PRRX2: variants seen among roughly 807,000 people sequenced by gnomAD.
PRRX2 encodes the protein paired related homeobox 2.
PRRX2 carries 11 observed loss-of-function variants against 18.0 expected under a neutral mutation model. That is an observed-to-expected ratio of 0.61 (90% CI 0.39 to 1.01). The LOEUF (loss-of-function observed/expected upper bound fraction) is 1.01, where lower values mean the gene tolerates loss of function less well. Among genes scored for constraint, PRRX2 ranks in the 50% least tolerant of loss-of-function variants. The probability of loss-of-function intolerance (pLI) is 0.01; values close to 1 mark genes in which losing one functional copy is unlikely to be tolerated. For synonymous variants in PRRX2, 177 were observed against 154.8 expected (o/e 1.14, Z -1.06); for missense variants, 387 against 351.0 (o/e 1.10, Z -0.82).
At chr9:129,710,459 C>T (rs887107462) in intron 1 of PRRX2, among the ~76,000 whole-genome samples, 13 of 152,278 alleles carry the variant, frequency 8.5e-5, no homozygotes, top group South Asian at 8.3e-4. Flanking sequence ...CTTGGCCGGG[C>T]GCGGTGGCTC....
rs753269081 is a variant in PRRX2 at position 129,665,939 on chromosome 9, C to A, written c.72C>A (p.Pro24=). 1.8e-6 allele frequency: 2 copies of A among 1,125,470 alleles called. No individual in the cohort carries two copies. The highest frequency in any genetic ancestry group is 2.4e-5 in the South Asian group (1 of 40,920). The allele number at this position is 1,125,470 out of a possible 1,614,324, so 69.7% of individuals were successfully genotyped here. A position where few individuals can be genotyped will look rare whatever the true frequency, so the allele number is the denominator to read the frequency against. The part of the protein sequence containing the change: ...ALGPGPPPPP[P]ALGPGDCAQA... ...GCCCGGGGCCGCCGCCGCCTCCACC[C>A]GCGCTGGGGCCCGGCGACTGCGCCC... Residue 24 remains proline (P), a synonymous_variant, in exon 1 of 4, where the codon CCC becomes CCA. Transcript: ENST00000372469. This position sits in a 1 kb window ranked among gnomAD's most constrained non-coding sequence, Gnocchi z 5.3.
At position 129,666,273 on chromosome 9, in the gene PRRX2, G is replaced by A. The variant is rs1170724640; in HGVS notation, c.259+147G>A. On this transcript the variant is annotated intron_variant, in intron 1 of 3. Coordinates refer to ENST00000372469, the MANE Select transcript of PRRX2 (RefSeq NM_016307.4). ...ACTTCTGGGGGCGCGTGTAAGTGAC[G>A]GTGGACGGCGGTTGACCAGCACTCT... The A allele has an allele frequency of 2.2e-5, 14 of 630,130 alleles. No individual in the cohort carries two copies. In the Admixed American group the frequency reaches 2.5e-4, roughly 11 times the overall value. The allele number at this position is 630,130 out of a possible 1,614,324, so 39.0% of individuals were successfully genotyped here. A position where few individuals can be genotyped will look rare whatever the true frequency, so the allele number is the denominator to read the frequency against.
intron 1 of PRRX2, among the ~76,000 whole-genome samples, chr9:129,681,449 G>A (rs1341437753): frequency 6.6e-6 from 1 of 152,194 alleles, no homozygotes; most frequent in Non-Finnish European, 1.5e-5. Context: ...GAACCCGGGA[G>A]GTGGAGGTTG....
chr9:129,665,767 A>T lies in PRRX2; in HGVS notation c.-101A>T. 1.1e-6 allele frequency: 1 copy of T among 872,788 alleles called. No homozygotes were observed. Among genetic ancestry groups the T allele is most frequent in the Non-Finnish European group, 1.4e-6 (1 of 723,798 alleles). 54.1% of individuals were successfully genotyped at this position (872,788 alleles called of 1,614,324 possible). A position where few individuals can be genotyped will look rare whatever the true frequency, so the allele number is the denominator to read the frequency against. ...CTAGGAGGCGGCGGGAGCTGGGCAG[A>T]GCGCGGGGCGGCCGGGGCTCTCGCT... On this transcript the variant is annotated 5_prime_UTR_variant, in exon 1 of 4. Transcript: ENST00000372469. The surrounding 1 kb of genome is among the most constrained non-coding windows in gnomAD (Gnocchi z 5.3).
intron 1 of PRRX2, among the ~76,000 whole-genome samples, chr9:129,689,493 G>C (rs947624678): frequency 6.6e-6 from 1 of 152,216 alleles, no homozygotes; most frequent in African/African-American, 2.4e-5. Context: ...AACCCTGTAA[G>C]TAGATGTCGC....
In PRRX2 at chr9:129,719,416, C is replaced by T; in HGVS notation, c.445C>T (p.Gln149Ter). 1 of 1,525,872 alleles carries T rather than the reference C, an allele frequency of 6.6e-7. No individual in the cohort carries two copies. Among genetic ancestry groups the T allele is most frequent in the Non-Finnish European group, 8.8e-7 (1 of 1,135,386 alleles). 94.5% of individuals were successfully genotyped at this position (1,525,872 alleles called of 1,614,324 possible). A position where few individuals can be genotyped will look rare whatever the true frequency, so the allele number is the denominator to read the frequency against. ...RRVNLSEARV[Q>*]VWFQNRRAKF... Reference sequence around the variant, plus strand: ...CGTCAACCTCAGCGAGGCGCGCGTTCAGGTGAGCGCTCAGTCCCGGGCCTC... The same window carrying T: ...CGTCAACCTCAGCGAGGCGCGCGTTTAGGTGAGCGCTCAGTCCCGGGCCTC... The change falls in exon 2 of 4, where the codon CAG becomes TAG. Residue 149 changes from glutamine to a stop codon, truncating the protein, a stop_gained and splice_region_variant. Coordinates refer to ENST00000372469, the MANE Select transcript of PRRX2 (RefSeq NM_016307.4). LOFTEE classifies it high-confidence loss of function.
Position 129,673,684 on chromosome 9 carries a change from A to G in PRRX2, c.259+7558A>G, listed in dbSNP as rs975596291. Among the ~76,000 whole-genome samples, 129 of 152,128 alleles carry G rather than the reference A, an allele frequency of 8.5e-4. 2 individuals are homozygous for G. The highest frequency in any genetic ancestry group is 3.3e-3 in the East Asian group (17 of 5,164). ...CACACACACACACACACACAGGCAC[A>G]CACACGCCCCTCATCACGAGGGCTC... On this transcript the variant is annotated intron_variant, in intron 1 of 3. Transcript: ENST00000372469.
Position 129,719,265 on chromosome 9 carries a change from C to T in PRRX2, c.294C>T (p.Ala98=), listed in dbSNP as rs370204978. 1.2e-6 allele frequency: 2 copies of T among 1,607,344 alleles called. No individual in the cohort carries two copies. Among genetic ancestry groups the T allele is most frequent in the East Asian group, 2.2e-5 (1 of 44,680 alleles). Residue 98 remains alanine, a synonymous_variant, in exon 2 of 4, where the codon GCC becomes GCT. Coordinates refer to ENST00000372469, the MANE Select transcript of PRRX2 (RefSeq NM_016307.4). The part of the protein sequence containing the change: ...ECPSPGRGSA[A]KRKKKQRRNR... ...CCAGCCCGGGGCGCGGTAGCGCCGC[C>T]AAGCGGAAGAAGAAGCAGCGGCGGA...
chr9:129,666,571 A>ACC (rs532808399), intron 1 of PRRX2, among the ~76,000 whole-genome samples: 15,181 of 94,928 alleles, frequency 0.16, 803 homozygotes, highest in African/African-American at 0.2. Flanking sequence ...GTGCCTGCCC[A>ACC]CCCCCCCCCA....
chr9:129,704,240 T>C (rs1354056588), intron 1 of PRRX2, among the ~76,000 whole-genome samples: 1 of 152,192 alleles, frequency 6.6e-6, no homozygotes, highest in African/African-American at 2.4e-5. Flanking sequence ...GGATGAATAA[T>C]AGTGGGGTTA....
intron 1 of PRRX2, among the ~76,000 whole-genome samples, chr9:129,691,322 C>A (rs769180463): frequency 6.6e-6 from 1 of 151,062 alleles, no homozygotes; most frequent in Non-Finnish European, 1.5e-5. Flanking sequence ...CATGACAAAG[C>A]GACTCTGTCA....
chr9:129,689,359 G>A (rs569733782), intron 1 of PRRX2, among the ~76,000 whole-genome samples: 3 of 152,222 alleles, frequency 2.0e-5, no homozygotes, highest in Non-Finnish European at 2.9e-5. Flanking sequence ...ATTTCGGTGT[G>A]ACCAGGCATT....
chr9:129,694,079 A>G (rs1374347802), intron 1 of PRRX2, among the ~76,000 whole-genome samples: 2 of 152,178 alleles, frequency 1.3e-5, no homozygotes, highest in African/African-American at 4.8e-5. Flanking sequence ...CAGGGTTCTA[A>G]GCAGCTACTA....
In PRRX2 at chr9:129,720,662, G is replaced by C. The variant is rs145779250; in HGVS notation, c.514G>C (p.Ala172Pro). 6.2e-7 allele frequency: 1 copy of C among 1,613,422 alleles called. No individual in the cohort carries two copies. Among genetic ancestry groups the C allele is most frequent in the African/African-American group, 1.3e-5 (1 of 74,938 alleles). ...NERAMLASRSASLLKSYSQEA... is the reference protein window; with the variant it reads ...NERAMLASRSPSLLKSYSQEA... ...AAGGGCCATGCTGGCCAGCCGCTCT[G>C]CCTCGCTGCTCAAGTCCTACAGCCA... is the stretch of plus-strand genomic sequence containing the variant. The change falls in exon 3 of 4, where the codon GCC (alanine) becomes CCC (proline). Residue 172 changes from alanine (A) to proline (P), a missense_variant. Transcript: ENST00000372469.
At chr9:129,700,621 C>A (rs1051036991) in intron 1 of PRRX2, among the ~76,000 whole-genome samples, 1 of 148,638 alleles carries the variant, frequency 6.7e-6, no homozygotes, top group African/African-American at 2.5e-5. Context: ...CACACCTGGC[C>A]GTTATTGTTG....
chr9:129,679,865 C>T (rs768533019), intron 1 of PRRX2, among the ~76,000 whole-genome samples: 42 of 152,276 alleles, frequency 2.8e-4, no homozygotes, highest in South Asian at 2.7e-3. Context: ...CCAGGGCCTC[C>T]GTTTCCCAGG....
chr9:129,684,760 A>T, intron 1 of PRRX2, among the ~76,000 whole-genome samples: 1 of 152,162 alleles, frequency 6.6e-6, no homozygotes, highest in East Asian at 1.9e-4. Context: ...TTTATAAAGG[A>T]AGAGTTCTCT....
chr9:129,719,993 TAAAC>T (rs140710401), intron 2 of PRRX2, among the ~76,000 whole-genome samples: 1,571 of 151,974 alleles, frequency 0.01, 28 homozygotes, highest in African/African-American at 0.032. Flanking sequence ...TCTCAATAAA[TAAAC>T]AAACAAACAA....
chr9:129,710,749 G>A (rs572831737), intron 1 of PRRX2, among the ~76,000 whole-genome samples: 3 of 152,108 alleles, frequency 2.0e-5, no homozygotes, highest in African/African-American at 4.8e-5. Flanking sequence ...AAAACAAAAC[G>A]AAAGTCAGCT....
Sources: gnomAD v4.1 joint callset for allele counts (sites outside exome capture counted in the v4.1 genomes callset) on GRCh38, gnomAD v4.1.1 for gene constraint, Gnocchi (gnomAD v3.1) non-coding constraint, MANE v1.5 for transcripts, NCBI Gene and HGNC (gene_info 2026-07-23, HGNC 2026-07-21) for gene names.